GMDS: variants seen among roughly 807,000 people sequenced by gnomAD.
GMDS encodes GDP-mannose 4,6 dehydratase.
Under a neutral mutation model 49.9 loss-of-function variants are expected in GMDS, and 20 were observed. The ratio of observed to expected loss-of-function variants is 0.40; its 90% CI spans 0.28 to 0.58. The LOEUF is 0.58. GMDS is among the 20% of genes least tolerant of loss of function. GMDS has a pLI of 0.42. For synonymous variants in GMDS, 177 were observed against 178.6 expected, an observed-to-expected ratio of 0.99 and a Z score of 0.07; for missense variants, 362 against 481.4, an observed-to-expected ratio of 0.75 and a Z score of 2.32.
chr6:2,216,295 T>C (rs1338034022), intron 1 of GMDS, among the ~76,000 whole-genome samples: 1 of 152,240 alleles, frequency 6.6e-6, no homozygotes, highest in East Asian at 1.9e-4. Context: ...GTACATAATG[T>C]GTTTAAACTC....
chr6:1,840,706 T>G (rs1757117746), intron 7 of GMDS, among the ~76,000 whole-genome samples: 1 of 152,314 alleles, frequency 6.6e-6, no homozygotes. Context: ...GAGACCGGGC[T>G]CTGGTGGCCA....
chr6:1,888,410 G>C lies in GMDS; in HGVS notation c.771+41693C>G, dbSNP rs1250922147. Among the ~76,000 whole-genome samples the C allele has an allele frequency of 2.6e-5, 4 of 152,188 alleles. No homozygotes were observed. In the East Asian group the frequency reaches 7.7e-4, roughly 29 times the overall value. ...AAGGACAATGCCAGAGGAATGACCAGACACTTATAAAACCATCAGATCTCG... is the reference window on the plus strand; with the variant it reads ...AAGGACAATGCCAGAGGAATGACCACACACTTATAAAACCATCAGATCTCG... On this transcript the variant is annotated intron_variant, in intron 7 of 10. Coordinates refer to ENST00000380815, the MANE Select transcript of GMDS (RefSeq NM_001500.4).
At chr6:1,920,483 AACGT>A (rs1413145007) in intron 7 of GMDS, among the ~76,000 whole-genome samples, 2 of 152,244 alleles carry the variant, frequency 1.3e-5, no homozygotes, top group African/African-American at 4.8e-5. Context: ...TAGAGTGATT[AACGT>A]ATGGTATGTG....
At chr6:1,831,301 T>A (rs1756630496) in intron 7 of GMDS, among the ~76,000 whole-genome samples, 1 of 152,242 alleles carries the variant, frequency 6.6e-6, no homozygotes, top group South Asian at 2.1e-4. Flanking sequence ...TAAGCAAGAA[T>A]GCCTGTACTC....
At position 1,912,583 on chromosome 6, in the gene GMDS, AAAAAAG is replaced by A. The variant is rs1761126617; in HGVS notation, c.771+17514_771+17519del. On this transcript the variant is annotated intron_variant, in intron 7 of 10. Transcript: ENST00000380815. ...GAATGTGATACCCCACCTTCCCTTA[AAAAAAG>A]AAAAAGAAAATACTGTGGGGTCTTC... Among the ~76,000 whole-genome samples, 3 of 152,304 alleles carry A rather than the reference AAAAAAG, an allele frequency of 2.0e-5. No homozygotes were observed. In the South Asian group the frequency reaches 6.2e-4, roughly 32 times the overall value.
At chr6:1,981,574 T>C (rs143678095) in intron 4 of GMDS, among the ~76,000 whole-genome samples, 94 of 152,208 alleles carry the variant, frequency 6.2e-4, no homozygotes, top group African/African-American at 2.0e-3. Flanking sequence ...AGATTCACAG[T>C]TGAATTCTAC....
chr6:1,701,777 C>G (rs1471313117), intron 9 of GMDS, among the ~76,000 whole-genome samples: 1 of 151,500 alleles, frequency 6.6e-6, no homozygotes, highest in South Asian at 2.1e-4. Flanking sequence ...CTTTCCATAC[C>G]TCTATAAATG....
chr6:1,815,007 G>C (rs1448407415), intron 7 of GMDS, among the ~76,000 whole-genome samples: 1 of 152,284 alleles, frequency 6.6e-6, no homozygotes, highest in East Asian at 1.9e-4. Context: ...ATGCAATAAA[G>C]TATCATAAAT....
chr6:1,676,094 C>G (rs544491584), intron 9 of GMDS, among the ~76,000 whole-genome samples: 5 of 152,146 alleles, frequency 3.3e-5, no homozygotes, highest in African/African-American at 4.8e-5. Context: ...TCTCAGGATA[C>G]AAAATCAATG....
intron 4 of GMDS, among the ~76,000 whole-genome samples, chr6:2,090,194 A>G (rs1773236668): frequency 6.6e-6 from 1 of 152,226 alleles, no homozygotes; most frequent in African/African-American, 2.4e-5. Context: ...ATTTGATCCA[A>G]ATAATCTAGC....
At chr6:2,183,972 T>C (rs1420307036) in intron 1 of GMDS, among the ~76,000 whole-genome samples, 4 of 152,248 alleles carry the variant, frequency 2.6e-5, no homozygotes, top group South Asian at 4.1e-4. Flanking sequence ...ACATAACATA[T>C]ATGCACAACA....
At chr6:1,827,078 A>ATGTGTGTGTG (rs111813765) in intron 7 of GMDS, among the ~76,000 whole-genome samples, 56 of 125,256 alleles carry the variant, frequency 4.5e-4, no homozygotes, top group Middle Eastern at 4.0e-3. Flanking sequence ...AAAAATATAT[A>ATGTGTGTGTG]TGTGTGTGTG....
chr6:1,847,682 C>T (rs184648372), intron 7 of GMDS, among the ~76,000 whole-genome samples: 26 of 152,150 alleles, frequency 1.7e-4, no homozygotes, highest in Non-Finnish European at 2.6e-4. Flanking sequence ...ATTAGTAATC[C>T]GAATGTACCA....
At chr6:2,007,761 G>T (rs1270398681) in intron 4 of GMDS, among the ~76,000 whole-genome samples, 1 of 152,074 alleles carries the variant, frequency 6.6e-6, no homozygotes, top group Non-Finnish European at 1.5e-5. Flanking sequence ...CAAAGCTTAA[G>T]GGCTTTTGCA....
intron 9 of GMDS, among the ~76,000 whole-genome samples, chr6:1,699,329 G>C (rs2113359788): frequency 6.6e-6 from 1 of 151,866 alleles, no homozygotes; most frequent in South Asian, 2.1e-4. Context: ...GAGGAGGAGG[G>C]ATGTACAGGA....
intron 6 of GMDS, among the ~76,000 whole-genome samples, chr6:1,957,437 C>A (rs1763702484): frequency 2.0e-5 from 3 of 152,160 alleles, no homozygotes. Context: ...TTAAGAAATG[C>A]TGTAAATAGT....
intron 4 of GMDS, among the ~76,000 whole-genome samples, chr6:2,113,933 G>C (rs2127497976): frequency 6.6e-6 from 1 of 152,172 alleles, no homozygotes; most frequent in East Asian, 1.9e-4. Flanking sequence ...CATAAAAAAA[G>C]ATAAACTTCA....
intron 9 of GMDS, among the ~76,000 whole-genome samples, chr6:1,678,865 C>T (rs990837023): frequency 1.3e-5 from 2 of 152,136 alleles, no homozygotes; most frequent in African/African-American, 4.8e-5. Context: ...AGTAATGGAA[C>T]ACAGACCAGT....
chr6:1,981,889 G>T (rs1377765097), intron 4 of GMDS, among the ~76,000 whole-genome samples: 1 of 152,138 alleles, frequency 6.6e-6, no homozygotes, highest in African/African-American at 2.4e-5. Flanking sequence ...CAATAAATGT[G>T]ATTCATCACA....
Sources: gnomAD v4.1 joint callset for allele counts (sites outside exome capture counted in the v4.1 genomes callset) on GRCh38, gnomAD v4.1.1 for gene constraint, MANE v1.5 for transcripts, NCBI Gene and HGNC (gene_info 2026-07-23, HGNC 2026-07-21) for gene names.